Variants in KCNQ5 observed in about 807,000 individuals in gnomAD.
KCNQ5 encodes potassium voltage-gated channel subfamily Q member 5, also known as potassium voltage-gated channel subfamily KQT member 5.
Under a neutral mutation model 98.2 loss-of-function variants are expected in KCNQ5, and 30 were observed. The ratio of observed to expected loss-of-function variants is 0.31; its 90% CI spans 0.23 to 0.41. The LOEUF is 0.41. Among genes scored for constraint, KCNQ5 ranks in the 10% least tolerant of loss-of-function variants. KCNQ5 has a pLI of 1.00. For missense variants in KCNQ5, 835 were observed against 1,182.5 expected (o/e 0.71, Z 4.31); for synonymous variants, 458 against 449.4 (o/e 1.02, Z -0.24).
intron 1 of KCNQ5, among the ~76,000 whole-genome samples, chr6:72,641,525 C>T (rs2098927159): frequency 6.6e-6 from 1 of 152,028 alleles, no homozygotes; most frequent in Non-Finnish European, 1.5e-5. Flanking sequence ...CTGGATTTGA[C>T]CCTAACTCTT....
chr6:72,793,179 T>G (rs1774151603), intron 1 of KCNQ5, among the ~76,000 whole-genome samples: 1 of 152,250 alleles, frequency 6.6e-6, no homozygotes, highest in Admixed American at 6.5e-5. Context: ...TAAGCTTATC[T>G]CCATTTTGCA....
chr6:72,708,696 A>AT (rs1769213432), intron 1 of KCNQ5, among the ~76,000 whole-genome samples: 1 of 151,888 alleles, frequency 6.6e-6, no homozygotes. Context: ...TAATTTTTGT[A>AT]TTTTTTGTAG....
rs189829537 is a variant in KCNQ5, at chr6:72,923,090, A to G, written c.399-80818A>G. On this transcript the variant is annotated intron_variant, in intron 1 of 13. Coordinates refer to ENST00000370398, the MANE Select transcript of KCNQ5 (RefSeq NM_019842.4). ...GCCTCCCAAAGTGCTGGGATTACAG[A>G]TGTGAGCCACCGCGCCCAGCCAGGA... 4.2e-3 allele frequency among the ~76,000 whole-genome samples: 644 copies of G among 152,042 alleles called. 4 individuals are homozygous for G. Among genetic ancestry groups the G allele is most frequent in the African/African-American group, 0.015 (621 of 41,476 alleles).
At chr6:72,729,407 C>T (rs1404040291) in intron 1 of KCNQ5, among the ~76,000 whole-genome samples, 1 of 152,202 alleles carries the variant, frequency 6.6e-6, no homozygotes, top group Non-Finnish European at 1.5e-5. Context: ...CCTGCCTCAG[C>T]CTCCCAAGTA....
chr6:72,670,419 C>G (rs986867185), intron 1 of KCNQ5, among the ~76,000 whole-genome samples: 1 of 152,172 alleles, frequency 6.6e-6, no homozygotes, highest in Non-Finnish European at 1.5e-5. Flanking sequence ...GCTCTTGCAG[C>G]CTCTACCCAT....
At chr6:72,901,379 T>A (rs1199879985) in intron 1 of KCNQ5, among the ~76,000 whole-genome samples, 5 of 152,162 alleles carry the variant, frequency 3.3e-5, no homozygotes, top group Admixed American at 3.3e-4. Flanking sequence ...ATCTCTGTTT[T>A]TATTGCATTT....
chr6:72,698,648 CTTTT>C (rs753567095), intron 1 of KCNQ5, among the ~76,000 whole-genome samples: 1 of 94,002 alleles, frequency 1.1e-5, no homozygotes. Context: ...TCTTCTTCTT[CTTTT>C]TTTTTTTTTT....
At chr6:72,845,077 G>A (rs1776960489) in intron 1 of KCNQ5, among the ~76,000 whole-genome samples, 1 of 152,114 alleles carries the variant, frequency 6.6e-6, no homozygotes, top group African/African-American at 2.4e-5. Context: ...ACTATTGTTT[G>A]GAAAATCTTA....
rs556289676 is a variant in KCNQ5 at position 73,100,529 on chromosome 6, C to T, written c.919-4728C>T. The stretch of plus-strand genomic sequence containing the variant: ...AAAAATACAAAAAAAAATAGCTGGG[C>T]GTGGTGGCAGGCGCCTGTAGTCCCA... On this transcript the variant is annotated intron_variant, in intron 5 of 13. Coordinates refer to ENST00000370398, the MANE Select transcript of KCNQ5 (RefSeq NM_019842.4). Among the ~76,000 whole-genome samples the T allele has an allele frequency of 4.6e-4, 70 of 151,360 alleles. No individual in the cohort carries two copies. The East Asian group carries it at 9.2e-3, about 20-fold the overall frequency.
At chr6:73,127,679 G>A (rs1562195204) in intron 9 of KCNQ5, among the ~76,000 whole-genome samples, 1 of 152,192 alleles carries the variant, frequency 6.6e-6, no homozygotes, top group Non-Finnish European at 1.5e-5. Context: ...TCTACACTGA[G>A]GCTAGGGTAT....
chr6:72,979,519 GTTGT>G (rs1768328371), intron 1 of KCNQ5, among the ~76,000 whole-genome samples: 1 of 152,174 alleles, frequency 6.6e-6, no homozygotes, highest in Admixed American at 6.6e-5. Flanking sequence ...TCTTGATGGG[GTTGT>G]TTGATTTTTT....
intron 1 of KCNQ5, among the ~76,000 whole-genome samples, chr6:72,626,305 G>A (rs1037168166): frequency 1.3e-5 from 2 of 152,234 alleles, no homozygotes. Context: ...CAAATGAGTA[G>A]TTAATTTTCA....
At chr6:72,836,755 T>C (rs1413523718) in intron 1 of KCNQ5, among the ~76,000 whole-genome samples, 1 of 152,226 alleles carries the variant, frequency 6.6e-6, no homozygotes, top group Non-Finnish European at 1.5e-5. Flanking sequence ...TTCTGCAATG[T>C]CTGGGATCAC....
chr6:72,625,559 A>T (rs6453593), intron 1 of KCNQ5, among the ~76,000 whole-genome samples: 25,924 of 152,260 alleles, frequency 0.17, 2,556 homozygotes, highest in Middle Eastern at 0.25. Flanking sequence ...GGCTTCATAT[A>T]TAAATTTGCG....
intron 1 of KCNQ5, among the ~76,000 whole-genome samples, chr6:72,852,869 G>A (rs1777340712): frequency 6.6e-6 from 1 of 151,222 alleles, no homozygotes; most frequent in Admixed American, 6.6e-5. Flanking sequence ...CTATGTTCTT[G>A]GGATTATATA....
At chr6:72,838,912 T>A (rs1026064212) in intron 1 of KCNQ5, among the ~76,000 whole-genome samples, 1 of 124,746 alleles carries the variant, frequency 8.0e-6, no homozygotes, top group Non-Finnish European at 1.6e-5. Flanking sequence ...ATCCCGCCAC[T>A]GCACTCCAGC....
At chr6:72,664,974 C>T (rs1445085453) in intron 1 of KCNQ5, among the ~76,000 whole-genome samples, 1 of 152,194 alleles carries the variant, frequency 6.6e-6, no homozygotes, top group Non-Finnish European at 1.5e-5. Context: ...TTATCAACTA[C>T]GTAGGCAGAC....
chr6:72,715,228 G>A (rs1436047926), intron 1 of KCNQ5, among the ~76,000 whole-genome samples: 2 of 152,186 alleles, frequency 1.3e-5, no homozygotes, highest in Admixed American at 1.3e-4. Context: ...ATTGCAGGAT[G>A]AGGAGTAATT....
intron 1 of KCNQ5, among the ~76,000 whole-genome samples, chr6:72,648,083 A>G (rs1304931313): frequency 6.6e-6 from 1 of 152,190 alleles, no homozygotes; most frequent in Non-Finnish European, 1.5e-5. Context: ...CCACACAGAG[A>G]AACCTATGGT....
Sources: allele counts gnomAD v4.1 joint callset (sites outside exome capture counted in the v4.1 genomes callset), GRCh38; gene constraint gnomAD v4.1.1; transcripts MANE v1.5; gene names NCBI Gene and HGNC (gene_info 2026-07-23, HGNC 2026-07-21).